The following TMCC1 variants were observed in gnomAD, a reference collection of about 807,000 sequenced individuals.
TMCC1 encodes transmembrane and coiled-coil domain family 1.
Under a neutral mutation model 52.4 loss-of-function variants are expected in TMCC1, and 15 were observed. The observed-to-expected ratio is 0.29, with a 90% CI of 0.19 to 0.44. The LOEUF (loss-of-function observed/expected upper bound fraction) is 0.44. Among genes scored for constraint, TMCC1 ranks in the 20% least tolerant of loss-of-function variants. The pLI is 1.00. For synonymous variants in TMCC1, 279 were observed against 301.9 expected (o/e 0.92, Z 0.79); for missense variants, 503 against 806.0 (o/e 0.62, Z 4.55).
intron 1 of TMCC1, among the ~76,000 whole-genome samples, chr3:129,882,738 C>T (rs983302139): frequency 1.1e-4 from 17 of 152,250 alleles, no homozygotes; most frequent in Admixed American, 5.9e-4. Context: ...GATGAACCTT[C>T]AGGACATTAT....
intron 4 of TMCC1, among the ~76,000 whole-genome samples, chr3:129,696,674 CCT>C: frequency 6.6e-6 from 1 of 152,150 alleles, no homozygotes; most frequent in Admixed American, 6.5e-5. Context: ...CGCCTATGAG[CCT>C]GTAAAATAAA....
chr3:129,829,234 T>C (rs151197934), intron 3 of TMCC1, among the ~76,000 whole-genome samples: 10 of 152,176 alleles, frequency 6.6e-5, no homozygotes, highest in Non-Finnish European at 1.0e-4. Flanking sequence ...AGAAAGGAGA[T>C]TCAAAGAAAT....
Position 129,688,450 on chromosome 3 carries a change from T to G in TMCC1, c.577-17186A>C, listed in dbSNP as rs2089566402. The G allele has an allele frequency of 6.1e-6, 6 of 985,388 alleles. No individual in the cohort carries two copies. In the South Asian group the frequency reaches 2.8e-4, roughly 46 times the overall value. The allele number at this position is 985,388 out of a possible 1,614,324, so 61.0% of individuals were successfully genotyped here. ...CCCACCAAAGAGCCGCAGTGAAGCT[T>G]CTAGTGGATCCCTGGGCTTCTCACC... On this transcript the variant is annotated intron_variant, in intron 4 of 6. Coordinates refer to ENST00000393238, the MANE Select transcript of TMCC1 (RefSeq NM_001017395.5).
At chr3:129,730,595 C>T (rs547387260) in intron 4 of TMCC1, among the ~76,000 whole-genome samples, 72 of 152,264 alleles carry the variant, frequency 4.7e-4, no homozygotes, top group East Asian at 9.6e-4. Context: ...GAATAATTCA[C>T]GTAACTTTAT....
At chr3:129,859,964 G>T (rs893159467) in intron 2 of TMCC1, among the ~76,000 whole-genome samples, 2 of 152,050 alleles carry the variant, frequency 1.3e-5, no homozygotes, top group African/African-American at 4.8e-5. Flanking sequence ...GATAATTTTT[G>T]ATCTATCAAT....
chr3:129,809,481 G>T (rs1452935341), intron 4 of TMCC1, among the ~76,000 whole-genome samples: 1 of 152,100 alleles, frequency 6.6e-6, no homozygotes, highest in African/African-American at 2.4e-5. Flanking sequence ...ATTTGTTCCT[G>T]TAGCTTACTG....
At chr3:129,684,329 T>C (rs976079797) in intron 4 of TMCC1, among the ~76,000 whole-genome samples, 1 of 152,246 alleles carries the variant, frequency 6.6e-6, no homozygotes, top group Admixed American at 6.5e-5. Flanking sequence ...TAAGCCTCTG[T>C]GAGGGAATTA....
chr3:129,715,349 G>A (rs1048361997), intron 4 of TMCC1, among the ~76,000 whole-genome samples: 1 of 152,164 alleles, frequency 6.6e-6, no homozygotes, highest in African/African-American at 2.4e-5. Context: ...ATGAGGTCAG[G>A]TGTTCACGAC....
In TMCC1 at chr3:129,670,527, C is replaced by T. The variant is rs1162433061; in HGVS notation, c.1314G>A (p.Gly438=). 3 of 1,614,184 alleles carry T rather than the reference C, an allele frequency of 1.9e-6. No homozygotes were observed. The Admixed American group carries it at 5.0e-5, about 27-fold the overall frequency. ...SGSVGANSTT[G]GIAVGASSSK... The stretch of plus-strand genomic sequence containing the variant: ...AGCTGGATGCTCCTACAGCGATGCC[C>T]CCTGTGGTGCTGTTGGCTCCCACTG... Residue 438 remains glycine (G), a synonymous_variant, in exon 5 of 7, where the codon GGG becomes GGA. Transcript: ENST00000393238.
intron 4 of TMCC1, among the ~76,000 whole-genome samples, chr3:129,708,904 G>A (rs2048439915): frequency 6.6e-6 from 1 of 152,120 alleles, no homozygotes; most frequent in Admixed American, 6.5e-5. Flanking sequence ...ATCAAAAAAG[G>A]AAATGGGTTT....
intron 4 of TMCC1, among the ~76,000 whole-genome samples, chr3:129,673,774 C>T (rs184299564): frequency 9.9e-4 from 150 of 151,890 alleles, no homozygotes; most frequent in African/African-American, 3.4e-3. Flanking sequence ...TAGCTTGAAC[C>T]TGGGAAGCAG....
At chr3:129,749,821 C>A (rs757007405) in intron 4 of TMCC1, among the ~76,000 whole-genome samples, 2 of 152,172 alleles carry the variant, frequency 1.3e-5, no homozygotes, top group African/African-American at 4.8e-5. Context: ...TGGGGACAGA[C>A]TGAATCCTGT....
chr3:129,701,005 C>T (rs2047784929), intron 4 of TMCC1, among the ~76,000 whole-genome samples: 1 of 152,140 alleles, frequency 6.6e-6, no homozygotes, highest in Non-Finnish European at 1.5e-5. Context: ...GGATAAAATT[C>T]TTAATGCTCT....
At chr3:129,856,700 T>C (rs929634988) in intron 2 of TMCC1, among the ~76,000 whole-genome samples, 1 of 152,216 alleles carries the variant, frequency 6.6e-6, no homozygotes, top group African/African-American at 2.4e-5. Flanking sequence ...TTAACTCTGG[T>C]CCAATCTCCA....
intron 4 of TMCC1, among the ~76,000 whole-genome samples, chr3:129,736,798 G>A (rs2051008817): frequency 6.6e-6 from 1 of 151,976 alleles, no homozygotes; most frequent in Non-Finnish European, 1.5e-5. Flanking sequence ...GGGATTACAA[G>A]CGTGAGCCAC....
Position 129,670,635 on chromosome 3 carries a change from C to A in TMCC1, c.1206G>T (p.Gly402=), listed in dbSNP as rs558308330. 12 of 1,614,106 alleles carry A rather than the reference C, an allele frequency of 7.4e-6. No individual in the cohort carries two copies. Among genetic ancestry groups the A allele is most frequent in the Non-Finnish European group, 1.0e-5 (12 of 1,180,046 alleles). Residue 402 remains glycine, a synonymous_variant, in exon 5 of 7, where the codon GGG becomes GGT. Coordinates refer to ENST00000393238, the MANE Select transcript of TMCC1 (RefSeq NM_001017395.5). ...AGTTTGAAATCACTCCCAAAGCCTT[C>A]CCCGCATCATCCACTTGCCCTTCCT... ...SLEEGQVDDA[G]KALGVISNFQ...
intron 2 of TMCC1, among the ~76,000 whole-genome samples, chr3:129,834,247 T>C (rs1210047376): frequency 1.3e-5 from 2 of 152,162 alleles, no homozygotes; most frequent in Admixed American, 6.5e-5. Flanking sequence ...AATCACAGTA[T>C]GTTTGGGCAT....
intron 2 of TMCC1, among the ~76,000 whole-genome samples, chr3:129,834,675 C>T (rs1006710907): frequency 6.6e-5 from 10 of 151,906 alleles, no homozygotes; most frequent in Non-Finnish European, 1.2e-4. Context: ...AAAAAGATGA[C>T]AAGGAAGAGC....
Position 129,655,481 on chromosome 3 carries a change from C to T in TMCC1, c.1512-378G>A, listed in dbSNP as rs562929460. On this transcript the variant is annotated intron_variant, in intron 5 of 6. Transcript: ENST00000393238. ...CAAGCCTCATGAAAAGATAACACAC[C>T]AATGGAAACCAACCTTCTGGCAGTC... 2.6e-5 allele frequency among the ~76,000 whole-genome samples: 4 copies of T among 152,192 alleles called. No individual in the cohort carries two copies. In the South Asian group the frequency reaches 6.2e-4, roughly 24 times the overall value.
Sources: gnomAD v4.1 joint callset for allele counts (sites outside exome capture counted in the v4.1 genomes callset) on GRCh38, gnomAD v4.1.1 for gene constraint, MANE v1.5 for transcripts, NCBI Gene and HGNC (gene_info 2026-07-23, HGNC 2026-07-21) for gene names.